Variants in GANC observed in about 807,000 individuals in gnomAD.
GANC encodes glucosidase alpha, neutral C, also known as neutral alpha-glucosidase C.
GANC carries 117 observed loss-of-function variants against 124.2 expected under a neutral mutation model. The observed-to-expected ratio is 0.94, with a 90% CI of 0.81 to 1.10. GANC has a LOEUF of 1.10. GANC is among the 50% of genes least tolerant of loss of function. The pLI, the probability that GANC is intolerant of heterozygous loss-of-function variation, is 0.00. For missense variants in GANC, 1,140 were observed against 1,095.0 expected (o/e 1.04, Z -0.58); for synonymous variants, 377 against 376.8 (o/e 1.00, Z -0.01).
chr15:42,317,885 T>C (rs956113595), intron 10 of GANC, among the ~76,000 whole-genome samples: 3 of 152,216 alleles, frequency 2.0e-5, no homozygotes, highest in African/African-American at 7.2e-5. Flanking sequence ...AAATACTGGA[T>C]CTCCCACCAT....
intron 6 of GANC, among the ~76,000 whole-genome samples, chr15:42,299,666 G>T (rs1288893231): frequency 6.6e-6 from 1 of 152,078 alleles, no homozygotes; most frequent in African/African-American, 2.4e-5. Context: ...TAAGCAAAAA[G>T]AACAGATCTG....
chr15:42,328,093 TA>T (rs1186523652), intron 13 of GANC, among the ~76,000 whole-genome samples: 1 of 152,144 alleles, frequency 6.6e-6, no homozygotes, highest in Non-Finnish European at 1.5e-5. Flanking sequence ...TAGAGAAGCT[TA>T]AAAACTTGCC....
chr15:42,297,401 G>C (rs1197909437), intron 5 of GANC, among the ~76,000 whole-genome samples: 1 of 152,000 alleles, frequency 6.6e-6, no homozygotes, highest in East Asian at 1.9e-4. Context: ...GGGCTCAAGT[G>C]ACCCTCTAGC....
In GANC at chr15:42,345,623, A is replaced by G. The variant is rs985744192; in HGVS notation, c.2230-135A>G. 4 of 597,394 alleles carry G rather than the reference A, an allele frequency of 6.7e-6. No individual in the cohort carries two copies. In the African/African-American group the frequency reaches 7.5e-5, roughly 11 times the overall value. 37.0% of individuals were successfully genotyped at this position (597,394 alleles called of 1,614,324 possible). A position where few individuals can be genotyped will look rare whatever the true frequency, so the allele number is the denominator to read the frequency against. ...ACGTATTCTTCCTAACTTCTACCCA[A>G]TATATTTTTTAAGTTATATTTATTT... On this transcript the variant is annotated intron_variant, in intron 19 of 23. Transcript: ENST00000318010.
At chr15:42,336,097 C>T (rs1595782372) in intron 15 of GANC, among the ~76,000 whole-genome samples, 4 of 146,772 alleles carry the variant, frequency 2.7e-5, no homozygotes, top group Admixed American at 2.7e-4. Context: ...TGACATTCTT[C>T]ACAAAACTAG....
intron 4 of GANC, among the ~76,000 whole-genome samples, chr15:42,288,193 G>A (rs1057185714): frequency 5.3e-5 from 8 of 152,100 alleles, no homozygotes; most frequent in African/African-American, 1.9e-4. Context: ...ATTAGCAGCA[G>A]GGCTCCGGAG....
intron 6 of GANC, among the ~76,000 whole-genome samples, chr15:42,301,426 T>G (rs2051944962): frequency 6.6e-6 from 1 of 151,754 alleles, no homozygotes; most frequent in Non-Finnish European, 1.5e-5. Flanking sequence ...TGGGTGGCTG[T>G]TTGGGCAGAC....
intron 3 of GANC, among the ~76,000 whole-genome samples, chr15:42,287,131 C>G (rs2051796922): frequency 1.3e-5 from 2 of 152,206 alleles, no homozygotes; most frequent in African/African-American, 2.4e-5. Flanking sequence ...TTCCCCGGGT[C>G]TATTTTCCCA....
intron 3 of GANC, chr15:42,283,762 G>A (rs2051758206): frequency 1.4e-6 from 1 of 702,538 alleles, no homozygotes; most frequent in Non-Finnish European, 2.6e-6. Context: ...CTTCTCAGCA[G>A]ATAAGGCACA....
intron 3 of GANC, among the ~76,000 whole-genome samples, chr15:42,280,605 C>T (rs115453364): frequency 0.014 from 2,182 of 152,260 alleles, 50 homozygotes; most frequent in African/African-American, 0.05. Context: ...TCAAGTTTTT[C>T]TTCTCATTGT....
At chr15:42,330,713 A>G in intron 15 of GANC, 41 bp downstream of exon 15, 2 of 1,375,030 alleles carry the variant, frequency 1.5e-6, no homozygotes, top group Non-Finnish European at 2.0e-6. Flanking sequence ...CACATTAGCA[A>G]CTTTTTTTTT....
At chr15:42,284,761 C>T (rs1022281857) in intron 3 of GANC, among the ~76,000 whole-genome samples, 3 of 152,166 alleles carry the variant, frequency 2.0e-5, no homozygotes, top group Non-Finnish European at 4.4e-5. Flanking sequence ...CTTGCCTCAG[C>T]CCCACTGAGT....
Position 42,273,840 on chromosome 15 carries a change from C to T in GANC, c.-642C>T, listed in dbSNP as rs1566946424. The T allele has an allele frequency of 5.0e-6, 1 of 201,244 alleles. No individual in the cohort carries two copies. The allele number at this position is 201,244 out of a possible 1,614,324, so 12.5% of individuals were successfully genotyped here. On this transcript the variant is annotated 5_prime_UTR_variant, in exon 1 of 24. Coordinates refer to ENST00000318010, the MANE Select transcript of GANC (RefSeq NM_198141.3). ...AAGTGGCGTCTAGTAGTGAGTTCTC[C>T]GGTTTGGGTGGTATTTAAGCAAAGG...
At chr15:42,339,540 C>T (rs2052312992) in intron 16 of GANC, 129 bp from the exon 17 acceptor site, 10 of 1,113,754 alleles carry the variant, frequency 9.0e-6, no homozygotes, top group South Asian at 3.0e-5. Flanking sequence ...TTTGAGGCCA[C>T]GGCTTTATCC....
intron 10 of GANC, among the ~76,000 whole-genome samples, chr15:42,316,859 G>A (rs527864311): frequency 3.5e-4 from 53 of 152,282 alleles, no homozygotes; most frequent in African/African-American, 1.2e-3. Context: ...CATGACAGAG[G>A]GCTCACCTCT....
chr15:42,327,275 A>G, intron 12 of GANC, 88 bp from the exon 13 acceptor site: 1 of 966,852 alleles, frequency 1.0e-6, no homozygotes. Context: ...CCCATTTCCC[A>G]GCTCTCACAT....
intron 18 of GANC, among the ~76,000 whole-genome samples, chr15:42,341,020 T>C (rs2052326065): frequency 6.6e-6 from 1 of 151,424 alleles, no homozygotes; most frequent in Non-Finnish European, 1.5e-5. Flanking sequence ...CACCTTGGCC[T>C]CCCAAAGTGC....
intron 5 of GANC, among the ~76,000 whole-genome samples, chr15:42,295,330 T>C (rs536677589): frequency 1.9e-4 from 29 of 152,226 alleles, no homozygotes; most frequent in African/African-American, 6.3e-4. Context: ...CTGGTAGCTA[T>C]AGTTCCATGA....
At chr15:42,339,164 C>G (rs537521817) in intron 16 of GANC, among the ~76,000 whole-genome samples, 1 of 152,020 alleles carries the variant, frequency 6.6e-6, no homozygotes, top group Admixed American at 6.5e-5. Context: ...ATGTATATAC[C>G]ACTCAGTGGC....
Sources: allele counts gnomAD v4.1 joint callset (sites outside exome capture counted in the v4.1 genomes callset), GRCh38; gene constraint gnomAD v4.1.1; transcripts MANE v1.5; gene names NCBI Gene and HGNC (gene_info 2026-07-23, HGNC 2026-07-21).